Variants in XKR6 observed in about 807,000 individuals in gnomAD.
XKR6 encodes XK related 6.
XKR6 carries 22 observed loss-of-function variants against 56.7 expected under a neutral mutation model. The ratio of observed to expected loss-of-function variants is 0.39; its 90% CI spans 0.28 to 0.55. XKR6 has a LOEUF of 0.55. Among genes scored for constraint, XKR6 ranks in the 20% least tolerant of loss-of-function variants. The probability of loss-of-function intolerance (pLI) is 0.66; values close to 1 mark genes in which losing one functional copy is unlikely to be tolerated. For missense variants in XKR6, 852 were observed against 889.0 expected (o/e 0.96, Z 0.53); for synonymous variants, 524 against 387.8 (o/e 1.35, Z -4.13).
intron 1 of XKR6, among the ~76,000 whole-genome samples, chr8:10,968,509 C>T (rs954824873): frequency 6.6e-6 from 1 of 152,228 alleles, no homozygotes; most frequent in Non-Finnish European, 1.5e-5. Context: ...CTGCAGAACT[C>T]ATTCTGGATT....
At chr8:11,079,916 C>T (rs1292990231) in intron 1 of XKR6, among the ~76,000 whole-genome samples, 1 of 152,028 alleles carries the variant, frequency 6.6e-6, no homozygotes, top group Admixed American at 6.6e-5. Context: ...GCAAGTAAGC[C>T]ATGATTGTAC....
intron 1 of XKR6, among the ~76,000 whole-genome samples, chr8:11,016,037 G>T (rs1798612100): frequency 6.6e-6 from 1 of 152,222 alleles, no homozygotes. Context: ...GCCCCGCACC[G>T]TCGGCGATCC....
At chr8:11,031,426 G>C (rs1451701588) in intron 1 of XKR6, among the ~76,000 whole-genome samples, 1 of 152,192 alleles carries the variant, frequency 6.6e-6, no homozygotes, top group East Asian at 1.9e-4. Context: ...GTCCGAGTAA[G>C]GCACTGGAGG....
At chr8:11,041,555 CAA>C (rs397892339) in intron 1 of XKR6, among the ~76,000 whole-genome samples, 55,597 of 134,528 alleles carry the variant, frequency 0.41, 13,472 homozygotes, top group African/African-American at 0.71. Flanking sequence ...GACTTTGTCT[CAA>C]AAAAAAAAAA....
At chr8:11,029,986 A>T (rs910658510) in intron 1 of XKR6, among the ~76,000 whole-genome samples, 1 of 152,114 alleles carries the variant, frequency 6.6e-6, no homozygotes, top group Admixed American at 6.5e-5. Flanking sequence ...CAAATCTGCA[A>T]CAGCAATACC....
At position 11,005,358 on chromosome 8, in the gene XKR6, G is replaced by GTATA. The variant is rs1333626126; in HGVS notation, c.765-80529_765-80528insTATA. On this transcript the variant is annotated intron_variant, in intron 1 of 2. Coordinates refer to ENST00000416569, the MANE Select transcript of XKR6 (RefSeq NM_173683.4). ...AAATCTTGGATAAGAAGTGACTGTA[G>GTATA]TAGATATAGATATATATATATATAC... 4.4e-3 allele frequency among the ~76,000 whole-genome samples: 663 copies of GTATA among 149,358 alleles called. 3 individuals are homozygous for GTATA. The highest frequency in any genetic ancestry group is 0.017 in the African/African-American group (644 of 38,890).
chr8:10,985,712 C>T (rs998304364), intron 1 of XKR6, among the ~76,000 whole-genome samples: 1 of 152,086 alleles, frequency 6.6e-6, no homozygotes, highest in Admixed American at 6.5e-5. Flanking sequence ...ATTGTAACCA[C>T]TAAACCTCTT....
intron 1 of XKR6, chr8:11,107,991 G>A (rs1798745534): frequency 3.1e-6 from 1 of 321,778 alleles, no homozygotes; most frequent in Non-Finnish European, 6.0e-6. Context: ...CAATATTAGA[G>A]TTTCTTCAGG....
chr8:11,047,545 C>A (rs1383426858), intron 1 of XKR6, among the ~76,000 whole-genome samples: 1 of 152,040 alleles, frequency 6.6e-6, no homozygotes, highest in Admixed American at 6.5e-5. Flanking sequence ...CCACATGATT[C>A]CACATCTGTG....
intron 1 of XKR6, among the ~76,000 whole-genome samples, chr8:10,954,929 T>C (rs984161796): frequency 6.8e-6 from 1 of 146,072 alleles, no homozygotes; most frequent in African/African-American, 2.6e-5. Context: ...AGTGCAGTGG[T>C]GCAATCTTGG....
chr8:11,062,835 G>A lies in XKR6; in HGVS notation c.764+137741C>T, dbSNP rs902524989. On this transcript the variant is annotated intron_variant, in intron 1 of 2. Coordinates refer to ENST00000416569, the MANE Select transcript of XKR6 (RefSeq NM_173683.4). ...CCTCCTCGGCAATCAGCGTGGCCGT[G>A]CGCCTGAGTTCTAGCCAATGGGAGG... is the stretch of plus-strand genomic sequence containing the variant. 2.8e-5 allele frequency: 13 copies of A among 456,156 alleles called. 1 individual carries two copies. Among genetic ancestry groups the A allele is most frequent in the African/African-American group, 2.2e-4 (11 of 50,058 alleles). The allele number at this position is 456,156 out of a possible 1,614,324, so 28.3% of individuals were successfully genotyped here. A position where few individuals can be genotyped will look rare whatever the true frequency, so the allele number is the denominator to read the frequency against.
At chr8:11,093,058 T>A (rs1467174703) in intron 1 of XKR6, among the ~76,000 whole-genome samples, 1 of 152,214 alleles carries the variant, frequency 6.6e-6, no homozygotes, top group African/African-American at 2.4e-5. Context: ...TTCTTTTTCT[T>A]TTCTTTCTTT....
At chr8:11,051,175 C>A (rs982866020) in intron 1 of XKR6, among the ~76,000 whole-genome samples, 5 of 151,970 alleles carry the variant, frequency 3.3e-5, no homozygotes, top group Non-Finnish European at 7.4e-5. Context: ...ATCTGCTAGA[C>A]TCCTTTCTTC....
At chr8:11,039,589 C>T (rs1169692533) in intron 1 of XKR6, among the ~76,000 whole-genome samples, 2 of 152,224 alleles carry the variant, frequency 1.3e-5, no homozygotes, top group African/African-American at 4.8e-5. Context: ...GCGCTGGCCC[C>T]AACGTCCAGG....
At chr8:11,094,233 A>G (rs983372477) in intron 1 of XKR6, among the ~76,000 whole-genome samples, 3 of 151,942 alleles carry the variant, frequency 2.0e-5, no homozygotes, top group Non-Finnish European at 4.4e-5. Context: ...TGCACATGAT[A>G]TATACATATA....
At chr8:10,962,392 C>T (rs780498832) in intron 1 of XKR6, among the ~76,000 whole-genome samples, 2 of 152,182 alleles carry the variant, frequency 1.3e-5, no homozygotes, top group Non-Finnish European at 2.9e-5. Flanking sequence ...TGCAGTGAAC[C>T]CCAAGAGGGA....
intron 1 of XKR6, among the ~76,000 whole-genome samples, chr8:11,086,943 G>T (rs184806168): frequency 1.3e-5 from 2 of 152,194 alleles, no homozygotes; most frequent in Non-Finnish European, 2.9e-5. Flanking sequence ...CCTTCTTAGC[G>T]ATCTCCAGGC....
chr8:10,985,716 A>T (rs1485306392), intron 1 of XKR6, among the ~76,000 whole-genome samples: 1 of 152,126 alleles, frequency 6.6e-6, no homozygotes, highest in Non-Finnish European at 1.5e-5. Context: ...TAACCACTAA[A>T]CCTCTTTCCT....
chr8:11,054,070 T>C (rs1021455488), intron 1 of XKR6, among the ~76,000 whole-genome samples: 4 of 152,204 alleles, frequency 2.6e-5, no homozygotes, highest in East Asian at 1.9e-4. Context: ...AAATAAAATA[T>C]GGTAGGAATG....
Sources: gnomAD v4.1 joint callset for allele counts (sites outside exome capture counted in the v4.1 genomes callset) on GRCh38, gnomAD v4.1.1 for gene constraint, MANE v1.5 for transcripts, NCBI Gene and HGNC (gene_info 2026-07-23, HGNC 2026-07-21) for gene names.